Variants in LOC400499 observed in about 807,000 individuals in gnomAD.
At chr16:11,492,360 G>A in the LOC400499 span, among the ~76,000 whole-genome samples, 24,624 of 145,676 alleles carry the variant, frequency 0.17, 2,136 homozygotes, top group Non-Finnish European at 0.19. Context: ...ATTAACATAA[G>A]CAACAACTAT....
chr16:11,398,538 G>A, the LOC400499 span: 21 of 1,231,060 alleles, frequency 1.7e-5, no homozygotes, highest in East Asian at 3.2e-5. Context: ...TGGGTCAGGG[G>A]CTCATCACCT....
the LOC400499 span, among the ~76,000 whole-genome samples, chr16:11,486,447 A>ATGGATGG: frequency 1.1e-5 from 1 of 92,990 alleles, no homozygotes; most frequent in African/African-American, 5.3e-5. Flanking sequence ...TGGATGGATG[A>ATGGATGG]ATGGTACATG....
At chr16:11,474,875 A>G in the LOC400499 span, among the ~76,000 whole-genome samples, 1 of 152,180 alleles carries the variant, frequency 6.6e-6, no homozygotes, top group Non-Finnish European at 1.5e-5. Context: ...CAATAATAAT[A>G]AAAGTACAAT....
At chr16:11,448,885 G>T in the LOC400499 span, 1 of 1,413,628 alleles carries the variant, frequency 7.1e-7, no homozygotes, top group Non-Finnish European at 9.4e-7. Flanking sequence ...GGATTCGGTG[G>T]TCTCTTGGCT....
At chr16:11,450,702 T>A in the LOC400499 span, 1 of 1,536,158 alleles carries the variant, frequency 6.5e-7, no homozygotes, top group Non-Finnish European at 8.7e-7. Context: ...CCAGGTCCTT[T>A]AGGGTCCAGG....
the LOC400499 span, among the ~76,000 whole-genome samples, chr16:11,490,349 C>T: frequency 2.1e-5 from 3 of 144,356 alleles, no homozygotes; most frequent in African/African-American, 7.8e-5. Context: ...TGAGCCACAA[C>T]TGTGCCATTG....
At chr16:11,392,319 C>G in the LOC400499 span, 1 of 398,926 alleles carries the variant, frequency 2.5e-6, no homozygotes, top group African/African-American at 2.1e-5. Flanking sequence ...CCTCTCACCT[C>G]CACATGGCCC....
the LOC400499 span, among the ~76,000 whole-genome samples, chr16:11,373,774 T>C: frequency 2.6e-5 from 4 of 151,970 alleles, no homozygotes; most frequent in African/African-American, 7.3e-5. Context: ...TACATGCCAC[T>C]ATGCCCGGCT....
the LOC400499 span, among the ~76,000 whole-genome samples, chr16:11,463,715 G>A: frequency 6.6e-6 from 1 of 152,152 alleles, no homozygotes; most frequent in African/African-American, 2.4e-5. Context: ...ATATGGATGT[G>A]TGTGTGGATA....
At chr16:11,458,164 G>A in the LOC400499 span, among the ~76,000 whole-genome samples, 1 of 152,224 alleles carries the variant, frequency 6.6e-6, no homozygotes, top group South Asian at 2.1e-4. Flanking sequence ...GGCCAACATG[G>A]CAAAGCCCCA....
the LOC400499 span, chr16:11,372,682 G>C: frequency 1.1e-6 from 1 of 900,546 alleles, no homozygotes; most frequent in African/African-American, 1.8e-5. Context: ...AATTGCAGTA[G>C]AAGGTGAAGG....
the LOC400499 span, among the ~76,000 whole-genome samples, chr16:11,435,404 G>T: frequency 6.6e-6 from 1 of 152,146 alleles, no homozygotes; most frequent in Non-Finnish European, 1.5e-5. Context: ...AAGGTGCCCA[G>T]CCCTTTATAC....
the LOC400499 span, chr16:11,518,943 G>A: frequency 2.5e-6 from 1 of 399,034 alleles, no homozygotes; most frequent in Non-Finnish European, 4.4e-6. Context: ...TTGGCCCCCA[G>A]GATGGATGTC....
the LOC400499 span, chr16:11,442,574 C>T: frequency 1.3e-5 from 2 of 152,170 alleles, no homozygotes; most frequent in Non-Finnish European, 2.9e-5. Context: ...AACTAAACGA[C>T]TGCCATTTAC....
chr16:11,452,567 G>A, the LOC400499 span, among the ~76,000 whole-genome samples: 3 of 152,238 alleles, frequency 2.0e-5, no homozygotes, highest in Non-Finnish European at 4.4e-5. Context: ...GCACAGGCCT[G>A]GGTTTGGAAC....
At chr16:11,406,104 C>T in the LOC400499 span, among the ~76,000 whole-genome samples, 5 of 152,274 alleles carry the variant, frequency 3.3e-5, no homozygotes, top group East Asian at 3.9e-4. Flanking sequence ...GGGCTTCCAG[C>T]GTCCCTGTCA....
the LOC400499 span, among the ~76,000 whole-genome samples, chr16:11,411,541 ATT>A: frequency 6.0e-4 from 91 of 152,258 alleles, no homozygotes; most frequent in African/African-American, 2.1e-3. Context: ...AGTTACCTAG[ATT>A]TGAGTCCTGG....
chr16:11,459,699 G>A, the LOC400499 span, among the ~76,000 whole-genome samples: 1 of 152,202 alleles, frequency 6.6e-6, no homozygotes, highest in African/African-American at 2.4e-5. Context: ...CCAGTCCTTG[G>A]CACTCTGACA....
chr16:11,490,697 T>A, the LOC400499 span, among the ~76,000 whole-genome samples: 1 of 152,158 alleles, frequency 6.6e-6, no homozygotes, highest in African/African-American at 2.4e-5. Context: ...CGAGACTCCG[T>A]CTCAAAAAAC....
Sources: gnomAD v4.1 joint callset for allele counts (sites outside exome capture counted in the v4.1 genomes callset) on GRCh38, gnomAD v4.1.1 for gene constraint, MANE v1.5 for transcripts.